The following FGF12 variants were observed in gnomAD, a reference collection of about 807,000 sequenced individuals.
FGF12 encodes fibroblast growth factor 12, also known as fibroblast growth factor 12B.
In FGF12, 14 loss-of-function variants were observed where a neutral mutation model predicts 23.6. The ratio of observed to expected loss-of-function variants is 0.59; its 90% CI spans 0.39 to 0.93. The LOEUF is 0.93. Among genes scored for constraint, FGF12 ranks in the 40% least tolerant of loss-of-function variants. The pLI, the probability that FGF12 is intolerant of heterozygous loss-of-function variation, is 0.00. For synonymous variants in FGF12, 62 were observed against 77.3 expected (o/e 0.80, Z 1.04); for missense variants, 175 against 217.8 (o/e 0.80, Z 1.24).
At chr3:192,181,477 T>C (rs1432798278) in intron 4 of FGF12, among the ~76,000 whole-genome samples, 1 of 152,034 alleles carries the variant, frequency 6.6e-6, no homozygotes, top group Non-Finnish European at 1.5e-5. Flanking sequence ...CAGCAGATAA[T>C]GTAATACACT....
chr3:192,420,048 G>A (rs1185674213), intron 2 of FGF12, among the ~76,000 whole-genome samples: 2 of 152,160 alleles, frequency 1.3e-5, no homozygotes, highest in African/African-American at 4.8e-5. Flanking sequence ...AAGCTACTAG[G>A]TTGTTCGTCA....
chr3:192,718,134 C>T (rs564212124), intron 2 of FGF12, among the ~76,000 whole-genome samples: 1 of 138,330 alleles, frequency 7.2e-6, no homozygotes, highest in African/African-American at 2.8e-5. Flanking sequence ...AGCCCTTGGA[C>T]TGTTTGTCAT....
chr3:192,724,909 CT>C (rs1480851260), intron 2 of FGF12, among the ~76,000 whole-genome samples: 2 of 152,122 alleles, frequency 1.3e-5, no homozygotes, highest in Non-Finnish European at 2.9e-5. Flanking sequence ...CTCTTGAACC[CT>C]CAACTGAGTC....
At chr3:192,319,592 C>T (rs1716422819) in intron 4 of FGF12, among the ~76,000 whole-genome samples, 1 of 151,422 alleles carries the variant, frequency 6.6e-6, no homozygotes, top group African/African-American at 2.4e-5. Context: ...GTAAGACTGT[C>T]TCAAATAAAT....
At chr3:192,488,095 T>C (rs911066074) in intron 2 of FGF12, among the ~76,000 whole-genome samples, 7 of 152,134 alleles carry the variant, frequency 4.6e-5, no homozygotes, top group African/African-American at 7.2e-5. Context: ...ACCAGTTACT[T>C]AACTATAAGC....
At chr3:192,183,179 A>G (rs1326042980) in intron 4 of FGF12, among the ~76,000 whole-genome samples, 2 of 151,154 alleles carry the variant, frequency 1.3e-5, no homozygotes, top group Non-Finnish European at 2.9e-5. Flanking sequence ...GGATCTGGAG[A>G]GCATGTAAGA....
In FGF12 at chr3:192,629,039, G is replaced by A. The variant is rs1715288162; in HGVS notation, c.13+98142C>T. ...GAACATGGTTTCTGTAAACTACAAA[G>A]TTTCTAATAATGTTTAATTTTAACT... On this transcript the variant is annotated intron_variant, in intron 2 of 5. Transcript: ENST00000445105. Among the ~76,000 whole-genome samples the A allele has an allele frequency of 2.0e-5, 3 of 152,138 alleles. 1 individual carries two copies. The highest frequency in any genetic ancestry group is 4.4e-5 in the Non-Finnish European group (3 of 67,974).
At chr3:192,499,123 A>G (rs1392051412) in intron 2 of FGF12, among the ~76,000 whole-genome samples, 1 of 152,156 alleles carries the variant, frequency 6.6e-6, no homozygotes, top group Non-Finnish European at 1.5e-5. Context: ...GTGATACTAA[A>G]TAAGTTATAT....
intron 2 of FGF12, among the ~76,000 whole-genome samples, chr3:192,410,714 A>C (rs749488897): frequency 2.6e-5 from 4 of 152,188 alleles, no homozygotes; most frequent in Admixed American, 6.5e-5. Context: ...AGTCCCTAAA[A>C]AGAGAGCCCA....
At chr3:192,576,041 A>G (rs1010285722) in intron 2 of FGF12, among the ~76,000 whole-genome samples, 9 of 152,338 alleles carry the variant, frequency 5.9e-5, no homozygotes, top group Non-Finnish European at 1.2e-4. Context: ...TTAAATCATC[A>G]GATAAATCAG....
chr3:192,512,856 ATAT>A (rs1724528660), intron 2 of FGF12, among the ~76,000 whole-genome samples: 7 of 135,174 alleles, frequency 5.2e-5, no homozygotes, highest in South Asian at 2.4e-4. Flanking sequence ...ATATATATAT[ATAT>A]AACAGGCTAT....
At chr3:192,431,706 T>C (rs1009960274) in intron 2 of FGF12, among the ~76,000 whole-genome samples, 34 of 152,344 alleles carry the variant, frequency 2.2e-4, no homozygotes, top group African/African-American at 7.7e-4. Flanking sequence ...AAGTGTATAA[T>C]AGACTTGTAT....
intron 2 of FGF12, among the ~76,000 whole-genome samples, chr3:192,500,839 T>C (rs751317096): frequency 1.3e-5 from 2 of 152,200 alleles, no homozygotes; most frequent in Non-Finnish European, 2.9e-5. Flanking sequence ...TTATTGCCAT[T>C]TTATGAATGG....
chr3:192,484,761 T>C (rs1272155841), intron 2 of FGF12, among the ~76,000 whole-genome samples: 1 of 152,230 alleles, frequency 6.6e-6, no homozygotes, highest in African/African-American at 2.4e-5. Flanking sequence ...TGTATTTATA[T>C]GAAATGTAAT....
intron 2 of FGF12, among the ~76,000 whole-genome samples, chr3:192,632,487 T>C (rs891540234): frequency 6.6e-6 from 1 of 152,356 alleles, no homozygotes; most frequent in African/African-American, 2.4e-5. Context: ...AAATGACAAC[T>C]AAATATTGCT....
At chr3:192,148,383 T>C (rs1406052496) in intron 5 of FGF12, among the ~76,000 whole-genome samples, 1 of 152,204 alleles carries the variant, frequency 6.6e-6, no homozygotes, top group Non-Finnish European at 1.5e-5. Context: ...ATTCCACTTA[T>C]GTGAGATACC....
intron 2 of FGF12, among the ~76,000 whole-genome samples, chr3:192,540,394 G>A (rs1354873690): frequency 6.6e-6 from 1 of 151,528 alleles, no homozygotes; most frequent in Admixed American, 6.6e-5. Flanking sequence ...TTCTTCTTTG[G>A]CCCATTGGTC....
chr3:192,560,086 G>A (rs1429355717), intron 2 of FGF12, among the ~76,000 whole-genome samples: 1 of 151,954 alleles, frequency 6.6e-6, no homozygotes, highest in Non-Finnish European at 1.5e-5. Context: ...CTAAGATGAA[G>A]AAAATCTTCA....
chr3:192,170,030 C>A (rs1261770882), intron 5 of FGF12, among the ~76,000 whole-genome samples: 1 of 144,968 alleles, frequency 6.9e-6, no homozygotes, highest in East Asian at 2.0e-4. Flanking sequence ...AAGGAGGAAA[C>A]TGCATACTAG....
Sources: allele counts gnomAD v4.1 joint callset (sites outside exome capture counted in the v4.1 genomes callset), GRCh38; gene constraint gnomAD v4.1.1; transcripts MANE v1.5; gene names NCBI Gene and HGNC (gene_info 2026-07-23, HGNC 2026-07-21).